ENG: variants seen among roughly 807,000 people sequenced by gnomAD.
The protein encoded by ENG is endoglin.
In ENG, 17 loss-of-function variants were observed where a neutral mutation model predicts 71.0. The ratio of observed to expected loss-of-function variants is 0.24; its 90% confidence interval spans 0.16 to 0.36. ENG has a LOEUF of 0.36. ENG is among the 10% of genes least tolerant of loss of function. ENG has a pLI of 1.00. For missense variants in ENG, 749 were observed against 868.3 expected, an observed-to-expected ratio of 0.86 and a Z score of 1.73; for synonymous variants, 360 against 366.9, an observed-to-expected ratio of 0.98 and a Z score of 0.21.
chr9:127,825,974 G>T (rs1387817195), intron 4 of ENG, 114 bp from the exon 5 acceptor site: 5 of 1,390,934 alleles, frequency 3.6e-6, no homozygotes, highest in African/African-American at 1.4e-5. Context: ...GTGCTGCAGA[G>T]GGGGAGAGGC....
Position 127,854,410 on chromosome 9 carries a change from C to T in ENG, c.-55G>A. ...CCTTATCCTGTGTCCAGTGGCAGGG[C>T]TGCGGGCGGGCACCGGGGCCGGCGT... On this transcript the variant is annotated 5_prime_UTR_variant, in exon 1 of 15. Transcript: ENST00000373203. The T allele has an allele frequency of 2.6e-6, 4 of 1,530,572 alleles. No individual in the cohort carries two copies. The allele number at this position is 1,530,572 out of a possible 1,614,324, so 94.8% of individuals were successfully genotyped here.
intron 13 of ENG, 30 bp downstream of exon 13, chr9:127,817,119 A>G (rs749781725): frequency 6.2e-7 from 1 of 1,613,980 alleles, no homozygotes; most frequent in Non-Finnish European, 8.5e-7. Context: ...AGCCACTAGA[A>G]CAAACCCGAG....
chr9:127,825,511 G>C (rs970609823), intron 5 of ENG, among the ~76,000 whole-genome samples, 154 bp from the exon 6 acceptor site: 6 of 151,414 alleles, frequency 4.0e-5, no homozygotes, highest in African/African-American at 1.5e-4. Flanking sequence ...TGCCCAAAGG[G>C]AAGGGGCCCA....
chr9:127,843,574 T>C (rs1831093753), intron 1 of ENG, among the ~76,000 whole-genome samples: 1 of 151,140 alleles, frequency 6.6e-6, no homozygotes, highest in African/African-American at 2.4e-5. Flanking sequence ...GGAACGTACT[T>C]ATACTAAATT....
chr9:127,852,581 T>C (rs1339648259), intron 1 of ENG, among the ~76,000 whole-genome samples: 1 of 152,116 alleles, frequency 6.6e-6, no homozygotes, highest in Non-Finnish European at 1.5e-5. Context: ...ACATAGCTAT[T>C]ACTATATATT....
At position 127,815,509 on chromosome 9, in the gene ENG, G is replaced by T; in HGVS notation, c.*173C>A. 1 of 1,314,280 alleles carries T rather than the reference G, an allele frequency of 7.6e-7. No individual in the cohort carries two copies. Among genetic ancestry groups the T allele is most frequent in the Non-Finnish European group, 1.0e-6 (1 of 987,262 alleles). 81.4% of individuals were successfully genotyped at this position (1,314,280 alleles called of 1,614,324 possible). A position where few individuals can be genotyped will look rare whatever the true frequency, so the allele number is the denominator to read the frequency against. Reference sequence around the variant, plus strand: ...GTGGAGGGACCCCAAGGTGTTCCAAGCCAGTGGCTGCACTGGCAGCAGGCC... The same window carrying T: ...GTGGAGGGACCCCAAGGTGTTCCAATCCAGTGGCTGCACTGGCAGCAGGCC... On this transcript the variant is annotated 3_prime_UTR_variant, in exon 15 of 15. Coordinates refer to ENST00000373203, the MANE Select transcript of ENG (RefSeq NM_001114753.3).
chr9:127,834,835 T>TAGTG (rs1313241006), intron 2 of ENG, among the ~76,000 whole-genome samples: 1 of 137,252 alleles, frequency 7.3e-6, no homozygotes, highest in Non-Finnish European at 1.6e-5. Context: ...TGCGCCCAGT[T>TAGTG]AGGTTGGTTA....
intron 8 of ENG, among the ~76,000 whole-genome samples, chr9:127,823,730 GAA>G (rs1830531409): frequency 7.3e-6 from 1 of 136,266 alleles, no homozygotes; most frequent in East Asian, 2.1e-4. Context: ...TGCCCAGGCT[GAA>G]GTTTAGTGGT....
At chr9:127,826,305 C>A (rs561946180) in intron 4 of ENG, among the ~76,000 whole-genome samples, 1 of 152,294 alleles carries the variant, frequency 6.6e-6, no homozygotes, top group African/African-American at 2.4e-5. Flanking sequence ...TAGGTCAGAA[C>A]CTGGCATATT....
At chr9:127,816,105 C>G in intron 13 of ENG, 52 bp from the exon 14 acceptor site, 2 of 1,583,482 alleles carry the variant, frequency 1.3e-6, no homozygotes, top group Non-Finnish European at 1.7e-6. Flanking sequence ...GCCCCATCCC[C>G]TACCCTGTTG....
intron 2 of ENG, among the ~76,000 whole-genome samples, chr9:127,831,684 C>CTT (rs1337832342): frequency 1.0e-4 from 14 of 133,808 alleles, no homozygotes; most frequent in East Asian, 4.3e-4. Context: ...CCTGCCTGGC[C>CTT]TTTTTTTTTT....
chr9:127,817,252 C>T (rs763003226), intron 12 of ENG, 49 bp from the exon 13 acceptor site: 1 of 1,602,528 alleles, frequency 6.2e-7, no homozygotes, highest in Middle Eastern at 1.7e-4. Flanking sequence ...GAGGCGGCTT[C>T]CAGGTTTACT....
intron 2 of ENG, among the ~76,000 whole-genome samples, chr9:127,831,533 G>A (rs976437900): frequency 1.6e-4 from 25 of 151,786 alleles, no homozygotes; most frequent in Middle Eastern, 3.4e-3. Context: ...GACTATAGGC[G>A]CCCACTACCA....
At chr9:127,848,518 A>C (rs1277535678) in intron 1 of ENG, among the ~76,000 whole-genome samples, 1 of 152,212 alleles carries the variant, frequency 6.6e-6, no homozygotes, top group Non-Finnish European at 1.5e-5. Flanking sequence ...GCCTGGCCGC[A>C]AGTGATCCTC....
At chr9:127,826,832 C>G (rs540387134) in intron 3 of ENG, among the ~76,000 whole-genome samples, 160 bp from the exon 4 acceptor site, 2 of 152,176 alleles carry the variant, frequency 1.3e-5, no homozygotes, top group African/African-American at 4.8e-5. Flanking sequence ...CAGCCCGGAG[C>G]CCCCTAGCAG....
In ENG at chr9:127,854,308, G is replaced by C. The variant is rs540893029; in HGVS notation, c.48C>G (p.Ser16Arg). 4 of 1,594,012 alleles carry C rather than the reference G, an allele frequency of 2.5e-6. No homozygotes were observed. The highest frequency in any genetic ancestry group is 2.3e-5 in the East Asian group (1 of 43,704). ...ACCTACTTGTGGGGCTGAGGCTGCA[G>C]CTGGCCAGCAGCAGGGCAACAGCCA... Reference protein sequence around the residue: ...LPLAVALLLASCSLSPTSLAE... With the variant: ...LPLAVALLLARCSLSPTSLAE... Residue 16 changes from serine (S) to arginine (R), a missense_variant, in exon 1 of 15, where the codon AGC becomes AGG. Transcript: ENST00000373203.
At chr9:127,842,117 C>G (rs1271836302) in intron 2 of ENG, among the ~76,000 whole-genome samples, 1 of 152,152 alleles carries the variant, frequency 6.6e-6, no homozygotes, top group African/African-American at 2.4e-5. Context: ...AGAATCGTCT[C>G]CAGGCCGGCA....
chr9:127,819,987 C>T lies in ENG; in HGVS notation c.1185G>A (p.Glu395=). The change falls in exon 9 of 15, where the codon GAG becomes GAA. Residue 395 remains glutamate (E), a synonymous_variant. Coordinates refer to ENST00000373203, the MANE Select transcript of ENG (RefSeq NM_001114753.3). ...CAAACTTGTCACCCCTGTCCTCTGCCTCACAGCTGGGGTCCCAGAAGGTCA... is the reference window on the plus strand; with the variant it reads ...CAAACTTGTCACCCCTGTCCTCTGCTTCACAGCTGGGGTCCCAGAAGGTCA... ...TGLTFWDPSC[E]AEDRGDKFVL... 6.2e-7 allele frequency: 1 copy of T among 1,614,204 alleles called. No homozygotes were observed. Among genetic ancestry groups the T allele is most frequent in the Non-Finnish European group, 8.5e-7 (1 of 1,180,036 alleles).
At chr9:127,816,775 A>G (rs2131873117) in intron 13 of ENG, 2 of 362,170 alleles carry the variant, frequency 5.5e-6, no homozygotes, top group South Asian at 2.5e-5. Flanking sequence ...TCCTGCAGGG[A>G]GAGGCCTCAA....
Sources: allele counts gnomAD v4.1 joint callset (sites outside exome capture counted in the v4.1 genomes callset), GRCh38; gene constraint gnomAD v4.1.1; transcripts MANE v1.5; gene names NCBI Gene and HGNC (gene_info 2026-07-23, HGNC 2026-07-21).